PRR16: variants seen among roughly 807,000 people sequenced by gnomAD.
The protein encoded by PRR16 is proline rich 16, also known as protein Largen.
PRR16 carries 6 observed loss-of-function variants against 18.2 expected under a neutral mutation model. The ratio of observed to expected loss-of-function variants is 0.33; its 90% CI spans 0.18 to 0.65. The LOEUF is 0.65. PRR16 is among the 30% of genes least tolerant of loss of function. The probability of loss-of-function intolerance (pLI) is 0.74; values close to 1 mark genes in which losing one functional copy is unlikely to be tolerated. For synonymous variants in PRR16, 151 were observed against 147.8 expected (o/e 1.02, Z -0.16); for missense variants, 412 against 376.6 (o/e 1.09, Z -0.78).
At chr5:120,749,692 T>G in the PRR16 span, among the ~76,000 whole-genome samples, 2 of 152,170 alleles carry the variant, frequency 1.3e-5, no homozygotes, top group Non-Finnish European at 2.9e-5. Context: ...TTATTTATGT[T>G]AAGCTATGAA....
At position 120,686,770 on chromosome 5, in the gene PRR16, T is replaced by C; in HGVS notation, c.*61T>C. 7.8e-7 allele frequency: 1 copy of C among 1,278,170 alleles called. No homozygotes were observed. The highest frequency in any genetic ancestry group is 1.0e-6 in the Non-Finnish European group (1 of 978,668). The allele number at this position is 1,278,170 out of a possible 1,614,324, so 79.2% of individuals were successfully genotyped here. A position where few individuals can be genotyped will look rare whatever the true frequency, so the allele number is the denominator to read the frequency against. On this transcript the variant is annotated 3_prime_UTR_variant, in exon 2 of 2. Transcript: ENST00000407149. ...TATATTATAAACATAAAATAAGTAA[T>C]GAGCACTTTCTACTCAAGCAATAAA...
intron 1 of PRR16, among the ~76,000 whole-genome samples, chr5:120,601,089 C>T (rs1753967192): frequency 6.6e-6 from 1 of 151,840 alleles, no homozygotes; most frequent in Non-Finnish European, 1.5e-5. Flanking sequence ...ATATATACCC[C>T]ATAATGGGAT....
chr5:120,746,744 A>G, the PRR16 span, among the ~76,000 whole-genome samples: 2 of 152,068 alleles, frequency 1.3e-5, no homozygotes, highest in Non-Finnish European at 2.9e-5. Context: ...GTAGAGCCAG[A>G]GTTGAGAAAC....
chr5:120,622,132 T>C (rs560250025), intron 1 of PRR16, among the ~76,000 whole-genome samples: 29 of 152,246 alleles, frequency 1.9e-4, no homozygotes, highest in African/African-American at 7.0e-4. Flanking sequence ...TATGAATTCT[T>C]GTTTGTGTGT....
At chr5:120,784,577 G>A in the PRR16 span, among the ~76,000 whole-genome samples, 1 of 152,072 alleles carries the variant, frequency 6.6e-6, no homozygotes, top group Non-Finnish European at 1.5e-5. Flanking sequence ...ACCAGAATAT[G>A]TAAGAAACTC....
intron 1 of PRR16, among the ~76,000 whole-genome samples, chr5:120,669,902 A>T (rs990821919): frequency 3.3e-5 from 5 of 152,058 alleles, no homozygotes; most frequent in African/African-American, 4.8e-5. Context: ...TTTTTTAACT[A>T]ATGATAGTAT....
At chr5:120,737,364 T>A in the PRR16 span, among the ~76,000 whole-genome samples, 5 of 139,982 alleles carry the variant, frequency 3.6e-5, no homozygotes, top group East Asian at 2.0e-4. Context: ...ATTTTGTCAA[T>A]TTTTTTTTGC....
rs1310058220 is a variant in PRR16 at position 120,635,325 on chromosome 5, A to G, written c.160-50629A>G. On this transcript the variant is annotated intron_variant, in intron 1 of 1. Coordinates refer to ENST00000407149, the MANE Select transcript of PRR16 (RefSeq NM_001300783.2). The stretch of plus-strand genomic sequence containing the variant: ...AAGAACATAACGAAAAAGGAAGGAA[A>G]ACTACTGACTAATATCCCTGAACAT... Among the ~76,000 whole-genome samples, 3 of 152,094 alleles carry G rather than the reference A, an allele frequency of 2.0e-5. No homozygotes were observed. In the East Asian group the frequency reaches 5.8e-4, roughly 29 times the overall value.
chr5:120,485,593 A>G (rs1749770904), intron 1 of PRR16, among the ~76,000 whole-genome samples: 1 of 152,184 alleles, frequency 6.6e-6, no homozygotes, highest in Non-Finnish European at 1.5e-5. Context: ...ACTGTTCATA[A>G]TGAGTTACTA....
intron 1 of PRR16, among the ~76,000 whole-genome samples, chr5:120,491,769 G>C (rs7733254): frequency 0.99 from 151,378 of 152,288 alleles, 75,245 homozygotes; most frequent in East Asian, 1. Flanking sequence ...GTCTTGAACT[G>C]CTGACCTCAG....
chr5:120,667,890 G>T (rs1580856561), intron 1 of PRR16, among the ~76,000 whole-genome samples: 2 of 152,048 alleles, frequency 1.3e-5, no homozygotes, highest in East Asian at 1.9e-4. Context: ...TGTCAGTTTT[G>T]GAATAGGTGT....
chr5:120,752,377 A>G, the PRR16 span, among the ~76,000 whole-genome samples: 1 of 152,000 alleles, frequency 6.6e-6, no homozygotes, highest in African/African-American at 2.4e-5. Context: ...ATAATACACA[A>G]TAACAGAGAA....
intron 1 of PRR16, among the ~76,000 whole-genome samples, chr5:120,485,478 T>A (rs1749767236): frequency 6.6e-6 from 1 of 152,232 alleles, no homozygotes; most frequent in African/African-American, 2.4e-5. Context: ...CGTGATTATC[T>A]ACATGTTTAC....
At chr5:120,725,961 G>A in the PRR16 span, among the ~76,000 whole-genome samples, 1 of 152,200 alleles carries the variant, frequency 6.6e-6, no homozygotes, top group African/African-American at 2.4e-5. Flanking sequence ...AGACTCCAGA[G>A]CTGTGGGTGA....
intron 1 of PRR16, among the ~76,000 whole-genome samples, chr5:120,489,335 C>A (rs1749936273): frequency 6.6e-6 from 1 of 152,122 alleles, no homozygotes; most frequent in African/African-American, 2.4e-5. Context: ...TCTGGGTGCT[C>A]CTGTATTGGG....
intron 1 of PRR16, among the ~76,000 whole-genome samples, chr5:120,657,785 A>G (rs1756033464): frequency 6.6e-6 from 1 of 151,970 alleles, no homozygotes; most frequent in African/African-American, 2.4e-5. Flanking sequence ...AGAAAGCATT[A>G]GGAATGTGAA....
intron 1 of PRR16, among the ~76,000 whole-genome samples, chr5:120,608,820 A>C (rs1733679789): frequency 6.6e-6 from 1 of 152,164 alleles, no homozygotes; most frequent in Non-Finnish European, 1.5e-5. Context: ...GACCTTCGAA[A>C]ATAAGCTGGG....
intron 1 of PRR16, among the ~76,000 whole-genome samples, chr5:120,526,571 A>G (rs1402727653): frequency 2.0e-5 from 3 of 152,144 alleles, no homozygotes; most frequent in African/African-American, 4.8e-5. Context: ...GGTACGGAAC[A>G]TAATTGGTAG....
chr5:120,477,598 A>T (rs1263266882), intron 1 of PRR16, among the ~76,000 whole-genome samples: 1 of 152,136 alleles, frequency 6.6e-6, no homozygotes, highest in African/African-American at 2.4e-5. Flanking sequence ...TGCTCTCTTA[A>T]ACCTTTCTCA....
Sources: gnomAD v4.1 joint callset for allele counts (sites outside exome capture counted in the v4.1 genomes callset) on GRCh38, gnomAD v4.1.1 for gene constraint, MANE v1.5 for transcripts, NCBI Gene and HGNC (gene_info 2026-07-23, HGNC 2026-07-21) for gene names.